Variants in ROS1 observed in about 807,000 individuals in gnomAD.
ROS1 encodes proto-oncogene tyrosine-protein kinase ROS.
ROS1 carries 263 observed loss-of-function variants against 273.5 expected under a neutral mutation model. The ratio of observed to expected loss-of-function variants is 0.96; its 90% CI spans 0.87 to 1.06. ROS1 has a LOEUF of 1.06. Ranked by LOEUF, ROS1 falls within the 50% of genes least tolerant of loss-of-function variation. The pLI is 0.00. For missense variants in ROS1, 2,833 were observed against 2,751.1 expected, an observed-to-expected ratio of 1.03 and a Z score of -0.67; for synonymous variants, 1,008 against 954.1, an observed-to-expected ratio of 1.06 and a Z score of -1.04.
intron 40 of ROS1, 97 bp from the exon 41 acceptor site, chr6:117,310,378 C>A: frequency 3.5e-6 from 3 of 849,138 alleles, no homozygotes; most frequent in Non-Finnish European, 1.7e-6. Flanking sequence ...AGAAGAGAAA[C>A]TATTTTTTTT....
rs1771896911 is a variant in ROS1 at position 117,379,067 on chromosome 6, C to T, written c.2574G>A (p.Arg858=). 6.2e-7 allele frequency: 1 copy of T among 1,606,546 alleles called. No homozygotes were observed. Among genetic ancestry groups the T allele is most frequent in the Non-Finnish European group, 8.5e-7 (1 of 1,175,018 alleles). Residue 858 remains arginine (R), a synonymous_variant, in exon 18 of 44, where the codon CGG becomes CGA. Coordinates refer to ENST00000368507, the MANE Select transcript of ROS1 (RefSeq NM_001378902.1). ...QCIHLYTAVL[R]GQSTGDTTIT... ...TGAGGGACTCTACTTACCTCTGTCCCCGAAGAACAGCTGTGTACAGGTGAA... is the reference window on the plus strand; with the variant it reads ...TGAGGGACTCTACTTACCTCTGTCCTCGAAGAACAGCTGTGTACAGGTGAA...
chr6:117,317,054 A>C, intron 39 of ROS1, 89 bp downstream of exon 39: 29 of 1,266,034 alleles, frequency 2.3e-5, no homozygotes, highest in Non-Finnish European at 2.9e-5. Context: ...AGGTTTTACC[A>C]CTGCAGCCTA....
chr6:117,365,888 T>A (rs1780178268), intron 19 of ROS1, 147 bp from the exon 20 acceptor site: 2 of 920,078 alleles, frequency 2.2e-6, no homozygotes, highest in Non-Finnish European at 3.2e-6. Flanking sequence ...AAAAAAATCA[T>A]CTTTTTCTGA....
chr6:117,313,989 G>A (rs1428960358), intron 39 of ROS1, among the ~76,000 whole-genome samples: 4 of 152,116 alleles, frequency 2.6e-5, no homozygotes, highest in Admixed American at 6.6e-5. Context: ...TGAAGTGCAT[G>A]TGAGAACCAA....
chr6:117,417,525 C>G (rs1369611448), intron 2 of ROS1, among the ~76,000 whole-genome samples: 1 of 152,158 alleles, frequency 6.6e-6, no homozygotes, highest in Non-Finnish European at 1.5e-5. Context: ...TGGTTACACT[C>G]TTATCTAAAA....
At chr6:117,406,919 A>G (rs1774451917) in intron 5 of ROS1, among the ~76,000 whole-genome samples, 1 of 152,190 alleles carries the variant, frequency 6.6e-6, no homozygotes, top group Non-Finnish European at 1.5e-5. Context: ...TCACCATCCA[A>G]CAGATTTCAC....
At chr6:117,332,524 C>T (rs1777155369) in intron 32 of ROS1, among the ~76,000 whole-genome samples, 1 of 152,094 alleles carries the variant, frequency 6.6e-6, no homozygotes, top group Non-Finnish European at 1.5e-5. Context: ...CTTTCTAGCC[C>T]AAATCAACAG....
Position 117,356,707 on chromosome 6 carries a change from C to G in ROS1, c.4048G>C (p.Ala1350Pro). ...ATTGCCCAGATCTCTTGTGCTTTGG[C>G]AAAGTATATCAATGGTTTCTCTAGG... ...SNLEKPLIYF[A>P]KAQEIWAMDL... Residue 1350 changes from alanine to proline, a missense_variant, in exon 26 of 44, where the codon GCC (alanine) becomes CCC (proline). By Grantham distance (27) the Ala-to-Pro change is conservative (BLOSUM62 -1). Coordinates refer to ENST00000368507, the MANE Select transcript of ROS1 (RefSeq NM_001378902.1). The G allele has an allele frequency of 4.3e-6, 7 of 1,614,128 alleles. No individual in the cohort carries two copies. Among genetic ancestry groups the G allele is most frequent in the Non-Finnish European group, 5.9e-6 (7 of 1,180,000 alleles).
intron 24 of ROS1, 39 bp downstream of exon 24, chr6:117,359,770 T>G: frequency 1.9e-6 from 3 of 1,538,578 alleles, no homozygotes; most frequent in Non-Finnish European, 2.7e-6. Flanking sequence ...TGCAAATACT[T>G]CACTTCCTTT....
intron 32 of ROS1, among the ~76,000 whole-genome samples, chr6:117,332,877 C>T (rs1777187826): frequency 6.6e-6 from 1 of 152,058 alleles, no homozygotes; most frequent in African/African-American, 2.4e-5. Context: ...ACTAAATGCC[C>T]ACATTAGAAA....
chr6:117,331,067 C>T (rs1041982856), intron 32 of ROS1, among the ~76,000 whole-genome samples: 1 of 152,026 alleles, frequency 6.6e-6, no homozygotes, highest in Admixed American at 6.6e-5. Context: ...ATGTTCTAAC[C>T]CAATGCGAAG....
chr6:117,382,505 T>C lies in ROS1; in HGVS notation c.2481+812A>G, dbSNP rs187802334. Among the ~76,000 whole-genome samples the C allele has an allele frequency of 1.7e-3, 264 of 152,328 alleles. 1 individual carries two copies. The highest frequency in any genetic ancestry group is 5.9e-3 in the African/African-American group (245 of 41,590). Reference sequence around the variant, plus strand: ...TATTAGGTAGAAATGGTGTGAATAATTTATTTATTCTTAATGCATTTCTGC... The same window carrying C: ...TATTAGGTAGAAATGGTGTGAATAACTTATTTATTCTTAATGCATTTCTGC... On this transcript the variant is annotated intron_variant, in intron 17 of 43. Coordinates refer to ENST00000368507, the MANE Select transcript of ROS1 (RefSeq NM_001378902.1).
chr6:117,392,595 A>G (rs1773155372), intron 12 of ROS1, among the ~76,000 whole-genome samples: 2 of 152,234 alleles, frequency 1.3e-5, no homozygotes, highest in Non-Finnish European at 2.9e-5. Context: ...CTGGGTAAGT[A>G]TTATTACCTT....
chr6:117,348,995 T>C (rs944686840), intron 27 of ROS1, among the ~76,000 whole-genome samples: 2 of 152,006 alleles, frequency 1.3e-5, no homozygotes, highest in Admixed American at 6.6e-5. Context: ...TATTTTATGT[T>C]CTGTCTTGGT....
rs2128724241 is a variant in ROS1 at position 117,403,179 on chromosome 6, G to A, written c.564C>T (p.Tyr188=). The A allele has an allele frequency of 1.2e-6, 2 of 1,613,678 alleles. No individual in the cohort carries two copies. Among genetic ancestry groups the A allele is most frequent in the Non-Finnish European group, 1.7e-6 (2 of 1,179,904 alleles). The part of the protein sequence containing the change: ...VWIFTAQLQL[Y]SPPSPSYRTH... The stretch of plus-strand genomic sequence containing the variant: ...TCCTGTAACTGGGACTTGGAGGGGA[G>A]TAGAGCTGCAGCTGCGCTGTGAAGA... Residue 188 remains tyrosine, a synonymous_variant, in exon 7 of 44, where the codon TAC becomes TAT. Coordinates refer to ENST00000368507, the MANE Select transcript of ROS1 (RefSeq NM_001378902.1).
intron 42 of ROS1, among the ~76,000 whole-genome samples, chr6:117,304,336 A>G (rs892186797): frequency 2.0e-5 from 3 of 152,230 alleles, no homozygotes; most frequent in African/African-American, 7.2e-5. Context: ...TTAATCTAAC[A>G]GTTGTCCTCA....
At chr6:117,387,078 G>T in intron 14 of ROS1, 79 bp from the exon 15 acceptor site, 1 of 635,522 alleles carries the variant, frequency 1.6e-6, no homozygotes, top group Non-Finnish European at 2.7e-6. Flanking sequence ...TTATATCTAT[G>T]CCTTATATCT....
intron 7 of ROS1, among the ~76,000 whole-genome samples, chr6:117,401,732 A>G (rs957898928): frequency 7.9e-5 from 12 of 151,718 alleles, no homozygotes; most frequent in African/African-American, 2.9e-4. Context: ...TACTTGAATG[A>G]ATGAAAAAAG....
intron 12 of ROS1, among the ~76,000 whole-genome samples, chr6:117,391,422 AGAG>A (rs1773058410): frequency 1.3e-5 from 2 of 152,196 alleles, no homozygotes; most frequent in South Asian, 4.1e-4. Context: ...GTGCATGGGA[AGAG>A]GAGGACAGAG....
Sources: allele counts gnomAD v4.1 joint callset (sites outside exome capture counted in the v4.1 genomes callset), GRCh38; gene constraint gnomAD v4.1.1; transcripts MANE v1.5; gene names NCBI Gene and HGNC (gene_info 2026-07-23, HGNC 2026-07-21).